Variants in VASN observed in about 807,000 individuals in gnomAD.
The protein encoded by VASN is protein slit-like 2.
In VASN, 5 loss-of-function variants were observed where a neutral mutation model predicts 4.8. That is an observed-to-expected ratio of 1.03 (90% CI 0.54 to 2.17). The LOEUF is 2.17. Among genes scored for constraint, VASN ranks in the 30% most tolerant of loss-of-function variants. The pLI is 0.01. For missense variants in VASN, 927 were observed against 948.8 expected (o/e 0.98, Z 0.30); for synonymous variants, 499 against 460.8 (o/e 1.08, Z -1.06).
At chr16:4,379,274 G>A (rs2054866777) in intron 1 of VASN, among the ~76,000 whole-genome samples, 1 of 152,104 alleles carries the variant, frequency 6.6e-6, no homozygotes, top group African/African-American at 2.4e-5. Context: ...CCTGGGGATG[G>A]GCTGGCACCC....
At chr16:4,379,657 C>T (rs1043864857) in intron 1 of VASN, among the ~76,000 whole-genome samples, 5 of 152,028 alleles carry the variant, frequency 3.3e-5, no homozygotes, top group Non-Finnish European at 5.9e-5. Context: ...CTTCCCACTT[C>T]GCTGGCACAT....
chr16:4,372,061 C>T (rs1056724103), intron 1 of VASN, 68 bp downstream of exon 1: 7 of 151,828 alleles, frequency 4.6e-5, no homozygotes, highest in Admixed American at 3.9e-4. Flanking sequence ...TGTGCACACG[C>T]GCGGGGACCG....
At position 4,381,749 on chromosome 16, in the gene VASN, GGCTGCTGGCA is replaced by G; in HGVS notation, c.878_887del (p.Leu293ProfsTer11). On this transcript the variant is annotated frameshift_variant, in exon 2 of 2. Transcript: ENST00000304735. LOFTEE classifies it low-confidence loss of function (END_TRUNC). Reference sequence around the variant, plus strand: ...CTCTCGGGCCTCTTCCCCCGCCTGCGGCTGCTGGCAGCTGCCCGCAACCCCTTCAACTGCG... The same window carrying G: ...CTCTCGGGCCTCTTCCCCCGCCTGCGGCTGCCCGCAACCCCTTCAACTGCG... 1 of 1,603,812 alleles carries G rather than the reference GGCTGCTGGCA, an allele frequency of 6.2e-7. No individual in the cohort carries two copies. Among genetic ancestry groups the G allele is most frequent in the Non-Finnish European group, 8.5e-7 (1 of 1,179,362 alleles).
intron 1 of VASN, among the ~76,000 whole-genome samples, chr16:4,372,782 C>T (rs1237941020): frequency 6.6e-6 from 1 of 152,180 alleles, no homozygotes; most frequent in Non-Finnish European, 1.5e-5. Flanking sequence ...GATTGCCACA[C>T]CAGGGTCACT....
At chr16:4,373,826 C>T (rs1025200564) in intron 1 of VASN, among the ~76,000 whole-genome samples, 1 of 152,176 alleles carries the variant, frequency 6.6e-6, no homozygotes, top group African/African-American at 2.4e-5. Context: ...GCCAGACAGC[C>T]AGTCCTGCCA....
chr16:4,373,362 G>A (rs1462221294), intron 1 of VASN, among the ~76,000 whole-genome samples: 1 of 152,058 alleles, frequency 6.6e-6, no homozygotes, highest in African/African-American at 2.4e-5. Context: ...TCCCCACCCC[G>A]CCCCTGTCTC....
At position 4,380,924 on chromosome 16, in the gene VASN, C is replaced by T; in HGVS notation, c.47C>T (p.Ala16Val). The T allele has an allele frequency of 6.3e-7, 1 of 1,581,340 alleles. No individual in the cohort carries two copies. The highest frequency in any genetic ancestry group is 8.6e-7 in the Non-Finnish European group (1 of 1,167,902). ...PLLLPLLLLL[A>V]LGPGVQGCPS... ...CTGCTGCCGCTGCTCCTGCTACTGG[C>T]CCTGGGGCCTGGGGTGCAGGGCTGC... The change falls in exon 2 of 2, where the codon GCC becomes GTC. Residue 16 changes from alanine (A) to valine (V), a missense_variant. Transcript: ENST00000304735.
rs745762260 is a variant in VASN, at chr16:4,381,596, G to C, written c.719G>C (p.Gly240Ala). The C allele has an allele frequency of 3.0e-5, 48 of 1,599,324 alleles. No homozygotes were observed. Among genetic ancestry groups the C allele is most frequent in the Non-Finnish European group, 3.8e-5 (45 of 1,173,630 alleles). Reference sequence around the variant, plus strand: ...CCACCTGTGATCCGAGGCCTCCGGGGCCTGACGCGCCTGCGGCTGGCCGGC... The same window carrying C: ...CCACCTGTGATCCGAGGCCTCCGGGCCCTGACGCGCCTGCGGCTGGCCGGC... ...RVPPVIRGLR[G>A]LTRLRLAGNT... Residue 240 changes from glycine (G) to alanine (A), a missense_variant, in exon 2 of 2, where the codon GGC (glycine) becomes GCC (alanine). By Grantham distance (60) the Gly-to-Ala change is moderately conservative. Coordinates refer to ENST00000304735, the MANE Select transcript of VASN (RefSeq NM_138440.3).
At chr16:4,374,967 G>A (rs1021379049) in intron 1 of VASN, among the ~76,000 whole-genome samples, 4 of 152,018 alleles carry the variant, frequency 2.6e-5, no homozygotes, top group South Asian at 2.1e-4. Context: ...AGGAGGCCCC[G>A]TGTGAGGGCC....
At chr16:4,372,587 G>C (rs1263289313) in intron 1 of VASN, among the ~76,000 whole-genome samples, 1 of 152,180 alleles carries the variant, frequency 6.6e-6, no homozygotes, top group Non-Finnish European at 1.5e-5. Context: ...GCAGGGTGCC[G>C]GGTCTCTGCC....
chr16:4,381,371 C>T lies in VASN; in HGVS notation c.494C>T (p.Pro165Leu), dbSNP rs1361259040. 1.4e-5 allele frequency: 23 copies of T among 1,591,792 alleles called. No individual in the cohort carries two copies. The highest frequency in any genetic ancestry group is 4.7e-5 in the East Asian group (2 of 42,990). Reference sequence around the variant, plus strand: ...GACAACGAGCTGCGGGCACTGCCCCCGCTGCGCCTGCCCCGCCTGCTGCTG... The same window carrying T: ...GACAACGAGCTGCGGGCACTGCCCCTGCTGCGCCTGCCCCGCCTGCTGCTG... ...LQDNELRALP[P>L]LRLPRLLLLD... Residue 165 changes from proline (P) to leucine (L), a missense_variant, in exon 2 of 2, where the codon CCG becomes CTG. Transcript: ENST00000304735.
rs148977654 is a variant in VASN, at chr16:4,375,826, C to G, written c.-10+3833C>G. On this transcript the variant is annotated intron_variant, in intron 1 of 1. Coordinates refer to ENST00000304735, the MANE Select transcript of VASN (RefSeq NM_138440.3). The stretch of plus-strand genomic sequence containing the variant: ...AATTGGCCTGGGGGTGGGGCCCCAG[C>G]ATGGAGGTTTTTTTTAGAAAGCTTC... Among the ~76,000 whole-genome samples, 933 of 152,300 alleles carry G rather than the reference C, an allele frequency of 6.1e-3. 11 individuals are homozygous for G. The highest frequency in any genetic ancestry group is 0.021 in the African/African-American group (881 of 41,572).
Position 4,381,037 on chromosome 16 carries a change from A to AC in VASN, c.161dup (p.Val55GlyfsTer7), listed in dbSNP as rs1458800751. 6.2e-7 allele frequency: 1 copy of AC among 1,610,488 alleles called. No homozygotes were observed. On this transcript the variant is annotated frameshift_variant, in exon 2 of 2. Coordinates refer to ENST00000304735, the MANE Select transcript of VASN (RefSeq NM_138440.3). LOFTEE classifies it low-confidence loss of function (END_TRUNC). ...GGTGCCCCGAGACGTGCCACCCGAC[A>AC]CGGTGGGGCTGTACGTCTTTGAGAA...
intron 1 of VASN, among the ~76,000 whole-genome samples, chr16:4,374,086 C>CGTGTGTGTGTGTGTGTGT (rs112578905): frequency 3.4e-4 from 50 of 148,774 alleles, no homozygotes; most frequent in African/African-American, 1.2e-3. Flanking sequence ...GGAGGGTGCA[C>CGTGTGTGTGTGTGTGTGT]GTGTGTGTGT....
Position 4,382,781 on chromosome 16 carries a change from C to T in VASN, c.1904C>T (p.Pro635Leu), listed in dbSNP as rs766809185. 44 of 1,577,538 alleles carry T rather than the reference C, an allele frequency of 2.8e-5. No individual in the cohort carries two copies. In the Admixed American group the frequency reaches 4.5e-4, roughly 16 times the overall value. Residue 635 changes from proline (P) to leucine (L), a missense_variant, in exon 2 of 2, where the codon CCG becomes CTG. Coordinates refer to ENST00000304735, the MANE Select transcript of VASN (RefSeq NM_138440.3). Reference protein sequence around the residue: ...EGVKVPLEPGPKATEGGGEAL... With the variant: ...EGVKVPLEPGLKATEGGGEAL... Reference sequence around the variant, plus strand: ...GTGAAGGTCCCCTTGGAGCCAGGCCCGAAGGCAACAGAGGGCGGTGGAGAG... The same window carrying T: ...GTGAAGGTCCCCTTGGAGCCAGGCCTGAAGGCAACAGAGGGCGGTGGAGAG...
intron 1 of VASN, among the ~76,000 whole-genome samples, chr16:4,375,080 G>A (rs938569629): frequency 6.6e-6 from 1 of 152,070 alleles, no homozygotes; most frequent in Non-Finnish European, 1.5e-5. Flanking sequence ...GGCCACAGGT[G>A]TCCTCCCTGA....
In VASN at chr16:4,382,428, C is replaced by T. The variant is rs1351697591; in HGVS notation, c.1551C>T (p.Leu517=). The part of the protein sequence containing the change: ...RLVTLRLPAS[L]AEYTVTQLRP... The stretch of plus-strand genomic sequence containing the variant: ...TGACGCTGCGACTGCCTGCCTCGCT[C>T]GCTGAGTACACGGTCACCCAGCTGC... The change falls in exon 2 of 2, where the codon CTC becomes CTT. Residue 517 remains leucine, a synonymous_variant. Transcript: ENST00000304735. 6.2e-6 allele frequency: 10 copies of T among 1,611,106 alleles called. No homozygotes were observed. The highest frequency in any genetic ancestry group is 1.3e-5 in the African/African-American group (1 of 74,918).
intron 1 of VASN, among the ~76,000 whole-genome samples, chr16:4,379,938 G>A (rs1227174912): frequency 1.4e-5 from 2 of 148,028 alleles, no homozygotes; most frequent in African/African-American, 4.9e-5. Flanking sequence ...GGCACCTGTA[G>A]TCCCAGCTAC....
rs777609029 is a variant in VASN, at chr16:4,382,079, G to T, written c.1202G>T (p.Gly401Val). 1.9e-6 allele frequency: 3 copies of T among 1,586,156 alleles called. No individual in the cohort carries two copies. Among genetic ancestry groups the T allele is most frequent in the Non-Finnish European group, 2.6e-6 (3 of 1,168,234 alleles). Reference sequence around the variant, plus strand: ...CCCTCCACTGCCCCACCGACTGTAGGGCCTGTCCCCCAGCCCCAGGACTGC... The same window carrying T: ...CCCTCCACTGCCCCACCGACTGTAGTGCCTGTCCCCCAGCCCCAGGACTGC... ...SPPSTAPPTV[G>V]PVPQPQDCPP... The change falls in exon 2 of 2, where the codon GGG becomes GTG. Residue 401 changes from glycine (G) to valine (V), a missense_variant. Coordinates refer to ENST00000304735, the MANE Select transcript of VASN (RefSeq NM_138440.3).
Sources: gnomAD v4.1 joint callset for allele counts (sites outside exome capture counted in the v4.1 genomes callset) on GRCh38, gnomAD v4.1.1 for gene constraint, MANE v1.5 for transcripts, NCBI Gene and HGNC (gene_info 2026-07-23, HGNC 2026-07-21) for gene names.